The following PKIA variants were observed in gnomAD, a reference collection of about 807,000 sequenced individuals.
The protein encoded by PKIA is PKI-alpha.
PKIA carries 4 observed loss-of-function variants against 7.6 expected under a neutral mutation model. That is an observed-to-expected ratio of 0.52 (90% confidence interval 0.26 to 1.20). The LOEUF is 1.20. PKIA is among the 50% of genes most tolerant of loss of function. The pLI, the probability that PKIA is intolerant of heterozygous loss-of-function variation, is 0.13. For synonymous variants in PKIA, 21 were observed against 30.7 expected (o/e 0.68, Z 1.04); for missense variants, 73 against 86.2 (o/e 0.85, Z 0.61).
chr8:78,598,470 C>G lies in PKIA; in HGVS notation c.86C>G (p.Ser29Cys). Residue 29 changes from serine to cysteine, a missense_variant, in exon 3 of 4, where the codon TCC (serine) becomes TGC (cysteine). Ser to Cys is a moderately radical substitution (Grantham distance 112). Coordinates refer to ENST00000396418, the MANE Select transcript of PKIA (RefSeq NM_006823.4). ...RRNAIHDILV[S>C]SASGNSNELA... ...AATGCAATACATGATATCCTGGTTT[C>G]CTCTGCAAGTGGCAACAGCAATGAA... is the stretch of plus-strand genomic sequence containing the variant. 6.2e-7 allele frequency: 1 copy of G among 1,611,714 alleles called. No individual in the cohort carries two copies. Among genetic ancestry groups the G allele is most frequent in the Non-Finnish European group, 8.5e-7 (1 of 1,178,438 alleles).
chr8:78,573,451 TGGAGCATGTGAAAGG>T (rs1436808197), intron 2 of PKIA, among the ~76,000 whole-genome samples: 1 of 152,010 alleles, frequency 6.6e-6, no homozygotes, highest in African/African-American at 2.4e-5. Context: ...GGGAGGTGAA[TGGAGCATGTGAAAGG>T]GGAGCTCTGT....
intron 1 of PKIA, among the ~76,000 whole-genome samples, chr8:78,537,578 C>A (rs1290544799): frequency 2.0e-5 from 3 of 148,428 alleles, no homozygotes; most frequent in Non-Finnish European, 3.0e-5. Context: ...TTTCCCAACC[C>A]CCTCTCCGTC....
At chr8:78,565,474 T>C (rs1296969095) in intron 1 of PKIA, among the ~76,000 whole-genome samples, 1 of 152,006 alleles carries the variant, frequency 6.6e-6, no homozygotes, top group Non-Finnish European at 1.5e-5. Context: ...GTGTAAAATT[T>C]GGACTCAACT....
At chr8:78,539,366 A>G (rs1434690133) in intron 1 of PKIA, among the ~76,000 whole-genome samples, 1 of 152,108 alleles carries the variant, frequency 6.6e-6, no homozygotes, top group Admixed American at 6.6e-5. Flanking sequence ...TCAGGGGTAT[A>G]AGCAAGTGGA....
At chr8:78,568,361 C>A (rs1282541643) in intron 1 of PKIA, among the ~76,000 whole-genome samples, 1 of 152,068 alleles carries the variant, frequency 6.6e-6, no homozygotes, top group Non-Finnish European at 1.5e-5. Context: ...CCTTAGGAAG[C>A]CATTTGTCTA....
At position 78,603,411 on chromosome 8, in the gene PKIA, A is replaced by G. The variant is rs1808400240; in HGVS notation, c.*1590A>G. 4 of 151,992 alleles carry G rather than the reference A, an allele frequency of 2.6e-5. No homozygotes were observed. The highest frequency in any genetic ancestry group is 2.6e-4 in the Admixed American group (4 of 15,210). The allele number at this position is 151,992 out of a possible 1,614,324, so 9.4% of individuals were successfully genotyped here. ...TGTAATTACATACAGGATAAAAGGT[A>G]AGTCTGCTCACTTCTCCTTCTACAG... On this transcript the variant is annotated 3_prime_UTR_variant, in exon 4 of 4. Coordinates refer to ENST00000396418, the MANE Select transcript of PKIA (RefSeq NM_006823.4).
At chr8:78,595,520 GATT>G (rs1808207939) in intron 2 of PKIA, among the ~76,000 whole-genome samples, 1 of 152,116 alleles carries the variant, frequency 6.6e-6, no homozygotes, top group East Asian at 1.9e-4. Flanking sequence ...GGTTTGTACA[GATT>G]ATTTTATTAC....
chr8:78,553,439 A>G (rs1428326006), intron 1 of PKIA, among the ~76,000 whole-genome samples: 1 of 151,996 alleles, frequency 6.6e-6, no homozygotes, highest in Non-Finnish European at 1.5e-5. Flanking sequence ...TTCTATGTCC[A>G]TCAACTCTTA....
intron 1 of PKIA, among the ~76,000 whole-genome samples, chr8:78,562,260 T>G (rs1191129978): frequency 3.9e-5 from 6 of 152,192 alleles, no homozygotes; most frequent in African/African-American, 1.4e-4. Context: ...ATGGTAATCA[T>G]CAGTGAACTA....
intron 1 of PKIA, among the ~76,000 whole-genome samples, chr8:78,549,424 G>A (rs980822285): frequency 6.6e-6 from 1 of 151,886 alleles, no homozygotes; most frequent in Non-Finnish European, 1.5e-5. Context: ...CTAAATTTAA[G>A]CTTAACTTTT....
rs112450462 is a variant in PKIA at position 78,586,402 on chromosome 8, C to A, written c.-27-11956C>A. ...ATTTTGGAAGCTTTTTTTTAGGTGT[C>A]AATATTTTCATAGGTCTTTCTCAAA... On this transcript the variant is annotated intron_variant, in intron 2 of 3. Transcript: ENST00000396418. Among the ~76,000 whole-genome samples, 289 of 152,002 alleles carry A rather than the reference C, an allele frequency of 1.9e-3. 4 individuals are homozygous for A. Among genetic ancestry groups the A allele is most frequent in the Middle Eastern group, 6.8e-3 (2 of 292 alleles).
chr8:78,563,332 G>A (rs967066813), intron 1 of PKIA, among the ~76,000 whole-genome samples: 1 of 152,076 alleles, frequency 6.6e-6, no homozygotes, highest in African/African-American at 2.4e-5. Flanking sequence ...TCTTGCATCT[G>A]CCAAACAATA....
intron 1 of PKIA, among the ~76,000 whole-genome samples, chr8:78,530,487 T>C (rs796775986): frequency 6.6e-5 from 10 of 152,200 alleles, no homozygotes; most frequent in African/African-American, 2.4e-4. Flanking sequence ...AACCCAAAGA[T>C]GAACATGTTA....
chr8:78,584,224 C>G (rs989961747), intron 2 of PKIA, among the ~76,000 whole-genome samples: 2 of 151,772 alleles, frequency 1.3e-5, no homozygotes, highest in African/African-American at 4.8e-5. Context: ...TCAAATATAG[C>G]TCTCAGTTGA....
intron 1 of PKIA, chr8:78,533,939 G>C (rs1806453588): frequency 6.6e-6 from 1 of 152,112 alleles, no homozygotes; most frequent in African/African-American, 2.4e-5. Context: ...GCATGTTAGA[G>C]ATAGAAAATA....
chr8:78,589,567 A>C (rs1010730130), intron 2 of PKIA, among the ~76,000 whole-genome samples: 1 of 152,086 alleles, frequency 6.6e-6, no homozygotes, highest in African/African-American at 2.4e-5. Flanking sequence ...AAGAAGGCTG[A>C]CATTTGCAGG....
At chr8:78,523,967 TAAAC>T (rs1487337859) in intron 1 of PKIA, among the ~76,000 whole-genome samples, 41 of 126,396 alleles carry the variant, frequency 3.2e-4, no homozygotes, top group African/African-American at 1.1e-3. Context: ...TATAAATATA[TAAAC>T]ATTTATATTT....
intron 1 of PKIA, among the ~76,000 whole-genome samples, chr8:78,536,164 A>G (rs894606435): frequency 6.6e-5 from 10 of 152,120 alleles, no homozygotes; most frequent in African/African-American, 2.2e-4. Context: ...TGACCTGTAT[A>G]TTTTTAGCTT....
intron 2 of PKIA, among the ~76,000 whole-genome samples, chr8:78,595,314 A>G (rs1329901503): frequency 6.6e-6 from 1 of 152,198 alleles, no homozygotes; most frequent in Non-Finnish European, 1.5e-5. Flanking sequence ...CATCAGTATA[A>G]AGAATTGGTT....
Sources: allele counts gnomAD v4.1 joint callset (sites outside exome capture counted in the v4.1 genomes callset), GRCh38; gene constraint gnomAD v4.1.1; transcripts MANE v1.5; gene names NCBI Gene and HGNC (gene_info 2026-07-23, HGNC 2026-07-21).